Variants in BNIP3L observed in about 807,000 individuals in gnomAD.
BNIP3L encodes BCL2/adenovirus E1B 19 kDa protein-interacting protein 3-like.
BNIP3L carries 10 observed loss-of-function variants against 25.5 expected under a neutral mutation model. The ratio of observed to expected loss-of-function variants is 0.39; its 90% CI spans 0.24 to 0.67. The LOEUF is 0.67. Ranked by LOEUF, BNIP3L falls within the 30% of genes least tolerant of loss-of-function variation. The probability of loss-of-function intolerance (pLI) is 0.45; values close to 1 mark genes in which losing one functional copy is unlikely to be tolerated. For synonymous variants in BNIP3L, 113 were observed against 101.2 expected, an observed-to-expected ratio of 1.12 and a Z score of -0.70; for missense variants, 215 against 270.9, an observed-to-expected ratio of 0.79 and a Z score of 1.45.
Position 26,410,556 on chromosome 8 carries a change from CAATAT to C in BNIP3L, c.*145_*149del. 2 of 930,648 alleles carry C rather than the reference CAATAT, an allele frequency of 2.1e-6. No individual in the cohort carries two copies. Among genetic ancestry groups the C allele is most frequent in the Non-Finnish European group, 3.4e-6 (2 of 592,248 alleles). The allele number at this position is 930,648 out of a possible 1,614,324, so 57.6% of individuals were successfully genotyped here. A position where few individuals can be genotyped will look rare whatever the true frequency, so the allele number is the denominator to read the frequency against. On this transcript the variant is annotated 3_prime_UTR_variant, in exon 6 of 6. Coordinates refer to ENST00000380629, the MANE Select transcript of BNIP3L (RefSeq NM_004331.3). ...ATCCAATTCCAGTAACTCTCAAATT[CAATAT>C]TTTATTCAAACTCTGTTGAGGCATT...
intron 3 of BNIP3L, among the ~76,000 whole-genome samples, chr8:26,398,965 C>G (rs867622205): frequency 2.0e-5 from 3 of 151,278 alleles, no homozygotes; most frequent in Admixed American, 6.6e-5. Context: ...CAGATGGATT[C>G]ACAGCCGAAT....
intron 1 of BNIP3L, among the ~76,000 whole-genome samples, chr8:26,385,932 G>A (rs75933043): frequency 2.5e-3 from 381 of 152,244 alleles, no homozygotes; most frequent in African/African-American, 8.7e-3. Context: ...AAAACAAGAA[G>A]CCTCATTGAA....
chr8:26,410,444 A>G lies in BNIP3L; in HGVS notation c.*32A>G, dbSNP rs1475779376. 13 of 1,613,176 alleles carry G rather than the reference A, an allele frequency of 8.1e-6. No homozygotes were observed. The East Asian group carries it at 2.0e-4, about 25-fold the overall frequency. On this transcript the variant is annotated 3_prime_UTR_variant, in exon 6 of 6. Transcript: ENST00000380629. ...GGAAAAGCCCCTGGAAATGCGTGTG[A>G]CCTGTGAAGTGGTGTATTGTCACAG...
At chr8:26,392,248 G>GT (rs1317974523) in intron 2 of BNIP3L, among the ~76,000 whole-genome samples, 2 of 145,796 alleles carry the variant, frequency 1.4e-5, no homozygotes. Context: ...CAGCTACACT[G>GT]TTAGCATTAT....
intron 1 of BNIP3L, among the ~76,000 whole-genome samples, chr8:26,386,530 G>T (rs2117463210): frequency 6.6e-6 from 1 of 152,182 alleles, no homozygotes; most frequent in Non-Finnish European, 1.5e-5. Flanking sequence ...GACCTCCTGG[G>T]CTCAAGTGAT....
chr8:26,410,209 G>T lies in BNIP3L; in HGVS notation c.612-155G>T, dbSNP rs3808575. On this transcript the variant is annotated intron_variant, in intron 5 of 5. Transcript: ENST00000380629. ...CGGGCTGGTGACTGGTTTTAAGAAA[G>T]TCAGTGATGATTTCACGGTGTTTGG... Among the ~76,000 whole-genome samples, 17 of 152,282 alleles carry T rather than the reference G, an allele frequency of 1.1e-4. No homozygotes were observed. In the East Asian group the frequency reaches 3.3e-3, roughly 29 times the overall value.
chr8:26,404,782 A>G (rs1054663924), intron 3 of BNIP3L, among the ~76,000 whole-genome samples: 2 of 152,248 alleles, frequency 1.3e-5, no homozygotes, highest in African/African-American at 4.8e-5. Context: ...TGCTGGGATT[A>G]CAGGCATGAG....
chr8:26,387,003 G>T (rs1806006582), intron 1 of BNIP3L, among the ~76,000 whole-genome samples: 1 of 152,158 alleles, frequency 6.6e-6, no homozygotes, highest in South Asian at 2.1e-4. Context: ...AAGCTTTGAG[G>T]AAAGAATGTA....
intron 1 of BNIP3L, among the ~76,000 whole-genome samples, chr8:26,388,726 T>G (rs1251481749): frequency 6.6e-6 from 1 of 151,986 alleles, no homozygotes; most frequent in Admixed American, 6.6e-5. Flanking sequence ...AGCCCAGCAC[T>G]TTGGGAGGCT....
At position 26,411,830 on chromosome 8, in the gene BNIP3L, T is replaced by C. The variant is rs1422041609; in HGVS notation, c.*1418T>C. The C allele has an allele frequency of 2.0e-5, 3 of 152,656 alleles. No homozygotes were observed. Among genetic ancestry groups the C allele is most frequent in the Non-Finnish European group, 2.9e-5 (2 of 68,036 alleles). 9.5% of individuals were successfully genotyped at this position (152,656 alleles called of 1,614,324 possible). A position where few individuals can be genotyped will look rare whatever the true frequency, so the allele number is the denominator to read the frequency against. On this transcript the variant is annotated 3_prime_UTR_variant, in exon 6 of 6. Coordinates refer to ENST00000380629, the MANE Select transcript of BNIP3L (RefSeq NM_004331.3). ...ATATAAATAATTACTGTTTATGATA[T>C]AGACATTGATATTGACTATTTAGAG...
Position 26,383,067 on chromosome 8 carries a change from T to G in BNIP3L, c.-64T>G, listed in dbSNP as rs1436558764. On this transcript the variant is annotated 5_prime_UTR_variant, in exon 1 of 6. Transcript: ENST00000380629. Reference sequence around the variant, plus strand: ...AAAGGGGGCGGCGGACTCGGCTTGTTGTGTTGCTGCCTGAGTGCCGGAGAC... The same window carrying G: ...AAAGGGGGCGGCGGACTCGGCTTGTGGTGTTGCTGCCTGAGTGCCGGAGAC... The G allele has an allele frequency of 4.8e-6, 7 of 1,450,524 alleles. No individual in the cohort carries two copies. Among genetic ancestry groups the G allele is most frequent in the Non-Finnish European group, 6.6e-6 (7 of 1,062,634 alleles). The allele number at this position is 1,450,524 out of a possible 1,614,324, so 89.9% of individuals were successfully genotyped here.
intron 2 of BNIP3L, 67 bp from the exon 3 acceptor site, chr8:26,395,163 C>G (rs986685481): frequency 6.6e-7 from 1 of 1,525,386 alleles, no homozygotes; most frequent in African/African-American, 1.4e-5. Flanking sequence ...TTTCTAATTT[C>G]TAGTAGAGAC....
intron 5 of BNIP3L, among the ~76,000 whole-genome samples, chr8:26,409,236 T>G (rs566034814): frequency 2.0e-5 from 3 of 152,226 alleles, no homozygotes; most frequent in African/African-American, 4.8e-5. Flanking sequence ...AATTGCTTTT[T>G]TTCCTTGATT....
intron 2 of BNIP3L, among the ~76,000 whole-genome samples, chr8:26,394,859 AG>A (rs1806198178): frequency 6.6e-6 from 1 of 152,248 alleles, no homozygotes; most frequent in Non-Finnish European, 1.5e-5. Context: ...TTTAATGATG[AG>A]GGAACTTTGA....
chr8:26,405,857 A>G (rs1347087140), intron 3 of BNIP3L, among the ~76,000 whole-genome samples: 2 of 152,134 alleles, frequency 1.3e-5, no homozygotes, highest in Non-Finnish European at 2.9e-5. Context: ...AGCCTGGCCA[A>G]CATGGTGAAA....
chr8:26,406,837 A>G (rs532027794), intron 3 of BNIP3L, among the ~76,000 whole-genome samples: 1 of 151,920 alleles, frequency 6.6e-6, no homozygotes, highest in East Asian at 1.9e-4. Context: ...AAATGCATGT[A>G]ACATGCTTGG....
intron 3 of BNIP3L, among the ~76,000 whole-genome samples, chr8:26,402,269 G>A (rs149945795): frequency 1.3e-5 from 2 of 152,252 alleles, no homozygotes; most frequent in East Asian, 1.9e-4. Context: ...GCAGGCTGTC[G>A]TATATAAGAT....
chr8:26,403,274 T>C (rs527264774), intron 3 of BNIP3L, among the ~76,000 whole-genome samples: 1 of 152,166 alleles, frequency 6.6e-6, no homozygotes. Flanking sequence ...ACCTTTGACA[T>C]TGCCTTTTTT....
At chr8:26,410,142 G>A (rs985627531) in intron 5 of BNIP3L, among the ~76,000 whole-genome samples, 7 of 152,070 alleles carry the variant, frequency 4.6e-5, no homozygotes, top group Non-Finnish European at 1.5e-5. Context: ...GTCGAGCCCC[G>A]ATATTTAATG....
Sources: gnomAD v4.1 joint callset for allele counts (sites outside exome capture counted in the v4.1 genomes callset) on GRCh38, gnomAD v4.1.1 for gene constraint, MANE v1.5 for transcripts, NCBI Gene and HGNC (gene_info 2026-07-23, HGNC 2026-07-21) for gene names.